Variants in IL27 observed in about 807,000 individuals in gnomAD.
IL27 encodes the protein interleukin-27 subunit alpha.
Under a neutral mutation model 27.0 loss-of-function variants are expected in IL27, and 11 were observed. That is an observed-to-expected ratio of 0.41 (90% CI 0.26 to 0.67). IL27 has a LOEUF of 0.67. Ranked by LOEUF, IL27 falls within the 30% of genes least tolerant of loss-of-function variation. IL27 has a pLI of 0.34. For synonymous variants in IL27, 134 were observed against 140.6 expected (o/e 0.95, Z 0.33); for missense variants, 299 against 310.4 (o/e 0.96, Z 0.28).
chr16:28,501,917 G>A, intron 4 of IL27, 59 bp downstream of exon 4: 1 of 1,553,512 alleles, frequency 6.4e-7, no homozygotes, highest in Non-Finnish European at 8.7e-7. Context: ...ATCACTGAAT[G>A]AGCCAGCGAG....
intron 4 of IL27, among the ~76,000 whole-genome samples, chr16:28,501,379 C>T (rs1364995883): frequency 6.6e-6 from 1 of 151,830 alleles, no homozygotes; most frequent in Non-Finnish European, 1.5e-5. Flanking sequence ...CAGTCTCACA[C>T]TCATGGACCT....
At chr16:28,501,464 A>G (rs1286950563) in intron 4 of IL27, among the ~76,000 whole-genome samples, 1 of 149,978 alleles carries the variant, frequency 6.7e-6, no homozygotes, top group Non-Finnish European at 1.5e-5. Context: ...TCACACACTC[A>G]CAGCCACACA....
rs879038771 is a variant in IL27 at position 28,506,654 on chromosome 16, G to A, written c.31+127C>T. On this transcript the variant is annotated intron_variant, in intron 1 of 4. Transcript: ENST00000356897. ...TGCCAGCCTCCCTTCCCATGCAGCA[G>A]CCAGCCGAATCCTCAGTCTTGGCCA... The A allele has an allele frequency of 5.4e-6, 5 of 933,282 alleles. No individual in the cohort carries two copies. The South Asian group carries it at 8.4e-5, about 16-fold the overall frequency. The allele number at this position is 933,282 out of a possible 1,614,324, so 57.8% of individuals were successfully genotyped here.
At chr16:28,501,571 ACTC>A (rs2046430326) in intron 4 of IL27, among the ~76,000 whole-genome samples, 1 of 69,382 alleles carries the variant, frequency 1.4e-5, no homozygotes. Context: ...CCACACACAC[ACTC>A]ACAGTCACAC....
At chr16:28,506,307 C>T (rs1481518349) in intron 1 of IL27, among the ~76,000 whole-genome samples, 5 of 152,174 alleles carry the variant, frequency 3.3e-5, no homozygotes, top group Admixed American at 1.3e-4. Context: ...GTTCTGCAGC[C>T]ACCAGCCGCA....
chr16:28,500,844 T>G (rs1412652815), intron 4 of IL27, among the ~76,000 whole-genome samples: 1 of 151,570 alleles, frequency 6.6e-6, no homozygotes, highest in Non-Finnish European at 1.5e-5. Flanking sequence ...ACGCACACAC[T>G]CACACACATA....
At chr16:28,506,666 C>T in intron 1 of IL27, 115 bp downstream of exon 1, 2 of 1,064,822 alleles carry the variant, frequency 1.9e-6, no homozygotes, top group Non-Finnish European at 2.7e-6. Context: ...CAGCCGAATC[C>T]TCAGTCTTGG....
chr16:28,501,510 TCA>T (rs1596576239), intron 4 of IL27, among the ~76,000 whole-genome samples: 2 of 135,496 alleles, frequency 1.5e-5, no homozygotes, highest in African/African-American at 2.8e-5. Context: ...ACAGTCACAC[TCA>T]CACACGGACG....
chr16:28,502,453 C>T (rs2046438148), intron 3 of IL27, among the ~76,000 whole-genome samples: 1 of 152,078 alleles, frequency 6.6e-6, no homozygotes. Context: ...CATCATACCT[C>T]CTGCCCATGT....
intron 4 of IL27, 130 bp from the exon 5 acceptor site, chr16:28,500,050 C>A (rs1177152529): frequency 1.6e-6 from 2 of 1,237,790 alleles, no homozygotes; most frequent in Non-Finnish European, 2.2e-6. Context: ...CCGGACATTC[C>A]CTGCTTGATC....
At chr16:28,501,784 C>T (rs1248123555) in intron 4 of IL27, among the ~76,000 whole-genome samples, 192 bp downstream of exon 4, 1 of 151,714 alleles carries the variant, frequency 6.6e-6, no homozygotes, top group African/African-American at 2.4e-5. Flanking sequence ...TGGACCCACA[C>T]AGTCACACTC....
chr16:28,502,142 G>A lies in IL27; in HGVS notation c.304-8C>T. 2.5e-6 allele frequency: 4 copies of A among 1,584,604 alleles called. No homozygotes were observed. Among genetic ancestry groups the A allele is most frequent in the Non-Finnish European group, 3.4e-6 (4 of 1,164,450 alleles). On this transcript the variant is annotated splice_polypyrimidine_tract_variant and splice_region_variant and intron_variant, in intron 3 of 4. Transcript: ENST00000356897. Reference sequence around the variant, plus strand: ...GCAGAGACGCTCCGGGTCCTGAAGGGGAGGGAGATGGTCAGGAAAGGTCCA... The same window carrying A: ...GCAGAGACGCTCCGGGTCCTGAAGGAGAGGGAGATGGTCAGGAAAGGTCCA...
rs2046447590 is a variant in IL27, at chr16:28,503,882, CGGT to C, written c.197_199del (p.His66del). On this transcript the variant is annotated inframe_deletion, in exon 2 of 5. Coordinates refer to ENST00000356897, the MANE Select transcript of IL27 (RefSeq NM_145659.3). Reference sequence around the variant, plus strand: ...AGCTGCATTAGGGGGACTTACAAAGCGGTGGGCCTGGCCCCGAACCTCGGAGAG... The same window carrying C: ...AGCTGCATTAGGGGGACTTACAAAGCGGGCCTGGCCCCGAACCTCGGAGAG... The C allele has an allele frequency of 6.2e-7, 1 of 1,614,010 alleles. No individual in the cohort carries two copies. The highest frequency in any genetic ancestry group is 8.5e-7 in the Non-Finnish European group (1 of 1,180,014).
At chr16:28,501,941 G>T in intron 4 of IL27, 35 bp downstream of exon 4, 1 of 1,581,650 alleles carries the variant, frequency 6.3e-7, no homozygotes, top group Non-Finnish European at 8.6e-7. Flanking sequence ...TCTTTCCCAC[G>T]TGGTCTGGGG....
chr16:28,500,637 G>T (rs964274247), intron 4 of IL27, among the ~76,000 whole-genome samples: 6 of 152,122 alleles, frequency 3.9e-5, no homozygotes, highest in Admixed American at 1.3e-4. Context: ...CCTTTGAAAG[G>T]TTCTGGAGGA....
chr16:28,506,744 A>T (rs2046462863), intron 1 of IL27, 37 bp downstream of exon 1: 3 of 1,600,974 alleles, frequency 1.9e-6, no homozygotes, highest in Admixed American at 3.4e-5. Flanking sequence ...CTCTGCCCAA[A>T]CTCAACCAAG....
chr16:28,500,743 A>G (rs553812926), intron 4 of IL27, among the ~76,000 whole-genome samples: 10 of 152,324 alleles, frequency 6.6e-5, no homozygotes, highest in East Asian at 3.9e-4. Context: ...TCACAGCCCA[A>G]TGGCCTCCTG....
At position 28,499,623 on chromosome 16, in the gene IL27, G is replaced by C. The variant is rs767276191; in HGVS notation, c.*28C>G. On this transcript the variant is annotated 3_prime_UTR_variant, in exon 5 of 5. Transcript: ENST00000356897. ...CTCCAGTCCTAAAGTTCTAAAGGGTGGGGGGCAGGGGGCTAAGAAGCCACC... is the reference window on the plus strand; with the variant it reads ...CTCCAGTCCTAAAGTTCTAAAGGGTCGGGGGCAGGGGGCTAAGAAGCCACC... The C allele has an allele frequency of 1.3e-5, 21 of 1,565,394 alleles. No individual in the cohort carries two copies. Among genetic ancestry groups the C allele is most frequent in the South Asian group, 2.3e-5 (2 of 86,968 alleles).
rs1324653842 is a variant in IL27 at position 28,506,822 on chromosome 16, A to G, written c.-11T>C. The G allele has an allele frequency of 6.2e-7, 1 of 1,611,486 alleles. No homozygotes were observed. The highest frequency in any genetic ancestry group is 1.1e-5 in the South Asian group (1 of 90,638). ...TGCCGTCTGGCCCATGGCGGGGCCC[A>G]GCCTCTTTGGTCAGCCATCTCCTGG... On this transcript the variant is annotated 5_prime_UTR_variant, in exon 1 of 5. Transcript: ENST00000356897.
Sources: allele counts gnomAD v4.1 joint callset (sites outside exome capture counted in the v4.1 genomes callset), GRCh38; gene constraint gnomAD v4.1.1; transcripts MANE v1.5; gene names NCBI Gene and HGNC (gene_info 2026-07-23, HGNC 2026-07-21).